PTK7: variants seen among roughly 807,000 people sequenced by gnomAD.
The protein encoded by PTK7 is inactive tyrosine-protein kinase 7.
PTK7 carries 39 observed loss-of-function variants against 116.6 expected under a neutral mutation model. That is an observed-to-expected ratio of 0.33 (90% CI 0.26 to 0.44). The LOEUF (loss-of-function observed/expected upper bound fraction) is 0.44. Ranked by LOEUF, PTK7 falls within the 20% of genes least tolerant of loss-of-function variation. The probability of loss-of-function intolerance (pLI) is 1.00; values close to 1 mark genes in which losing one functional copy is unlikely to be tolerated. For missense variants in PTK7, 1,169 were observed against 1,425.6 expected, an observed-to-expected ratio of 0.82 and a Z score of 2.90; for synonymous variants, 546 against 563.6, an observed-to-expected ratio of 0.97 and a Z score of 0.44.
At position 43,139,988 on chromosome 6, in the gene PTK7, C is replaced by T. The variant is rs1642343366; in HGVS notation, c.1618+463C>T. ...AGTTAGCCAGGCGTGGTGGCACATGCTTGCAATCCCAGCTGCTTAGGAGGC... is the reference window on the plus strand; with the variant it reads ...AGTTAGCCAGGCGTGGTGGCACATGTTTGCAATCCCAGCTGCTTAGGAGGC... On this transcript the variant is annotated intron_variant, in intron 10 of 19. Transcript: ENST00000230419. This position sits in a 1 kb window ranked among gnomAD's most constrained non-coding sequence, Gnocchi z 4.6. 6.6e-6 allele frequency among the ~76,000 whole-genome samples: 1 copy of T among 152,156 alleles called. No individual in the cohort carries two copies. Among genetic ancestry groups the T allele is most frequent in the Non-Finnish European group, 1.5e-5 (1 of 68,030 alleles).
chr6:43,136,627 G>T, intron 7 of PTK7, among the ~76,000 whole-genome samples: 1 of 152,238 alleles, frequency 6.6e-6, no homozygotes, highest in East Asian at 1.9e-4. Context: ...TTCCGAGAGG[G>T]CAAAAGTGGA....
At position 43,141,993 on chromosome 6, in the gene PTK7, C is replaced by T. The variant is rs1265663615; in HGVS notation, c.1831C>T (p.Leu611=). The T allele has an allele frequency of 6.2e-7, 1 of 1,613,906 alleles. No homozygotes were observed. The highest frequency in any genetic ancestry group is 1.1e-5 in the South Asian group (1 of 91,078). The change falls in exon 12 of 20, where the codon CTG becomes TTG. Residue 611 remains leucine, a synonymous_variant. Coordinates refer to ENST00000230419, the MANE Select transcript of PTK7 (RefSeq NM_002821.5). This position sits in a 1 kb window ranked among gnomAD's most constrained non-coding sequence, Gnocchi z 4.9. ...TGTGTACCAGGGCCACACAGCCCTA[C>T]TGCAGTGCGAGGCCCAGGGGGACCC... The part of the protein sequence containing the change: ...TTVYQGHTAL[L]QCEAQGDPKP...
intron 1 of PTK7, among the ~76,000 whole-genome samples, chr6:43,078,849 C>T (rs1419998231): frequency 1.3e-5 from 2 of 152,216 alleles, no homozygotes; most frequent in Non-Finnish European, 2.9e-5. Flanking sequence ...ATCCCCCTCC[C>T]TGGTTTCTTT....
chr6:43,160,311 G>A (rs1012814022), intron 19 of PTK7, among the ~76,000 whole-genome samples: 7 of 152,076 alleles, frequency 4.6e-5, no homozygotes, highest in African/African-American at 1.2e-4. Flanking sequence ...GAGATGGGGG[G>A]GCTTCACCAT....
intron 6 of PTK7, 106 bp downstream of exon 6, chr6:43,132,270 A>T: frequency 2.7e-6 from 4 of 1,507,950 alleles, no homozygotes; most frequent in Non-Finnish European, 3.6e-6. Flanking sequence ...AGGGCAGGGG[A>T]AGAAAAGGAT....
At chr6:43,131,784 C>T in intron 5 of PTK7, 1 of 584,574 alleles carries the variant, frequency 1.7e-6, no homozygotes, top group East Asian at 3.0e-5. Flanking sequence ...CCATTTGCCT[C>T]ATTGCTTCCC....
At chr6:43,101,731 G>T (rs1767595083) in intron 1 of PTK7, among the ~76,000 whole-genome samples, 1 of 152,162 alleles carries the variant, frequency 6.6e-6, no homozygotes, top group Admixed American at 6.6e-5. Context: ...GTTCTCAAAT[G>T]CTGACAGTGC....
Position 43,139,614 on chromosome 6 carries a change from G to A in PTK7, c.1618+89G>A. 1 of 1,556,762 alleles carries A rather than the reference G, an allele frequency of 6.4e-7. No homozygotes were observed. On this transcript the variant is annotated intron_variant, in intron 10 of 19. Transcript: ENST00000230419. This position sits in a 1 kb window ranked among gnomAD's most constrained non-coding sequence, Gnocchi z 4.6. Reference sequence around the variant, plus strand: ...AGGGCTGCTGGGTGCCCCGCACTGTGCCAGGAAATGTGGAGATTAGACAAG... The same window carrying A: ...AGGGCTGCTGGGTGCCCCGCACTGTACCAGGAAATGTGGAGATTAGACAAG...
chr6:43,079,865 C>T (rs1766270788), intron 1 of PTK7, among the ~76,000 whole-genome samples: 1 of 149,246 alleles, frequency 6.7e-6, no homozygotes, highest in Admixed American at 6.7e-5. Context: ...TCAAGACCAG[C>T]CTTGGCAACA....
intron 1 of PTK7, among the ~76,000 whole-genome samples, chr6:43,099,337 A>G (rs982128706): frequency 2.6e-5 from 4 of 151,874 alleles, no homozygotes; most frequent in African/African-American, 9.7e-5. Flanking sequence ...GACTCAAGCA[A>G]TCCTCCCACC....
Position 43,150,925 on chromosome 6 carries a change from C to A in PTK7, c.2721+4227C>A, listed in dbSNP as rs113915560. 2.0e-5 allele frequency among the ~76,000 whole-genome samples: 3 copies of A among 149,064 alleles called. No individual in the cohort carries two copies. In the South Asian group the frequency reaches 6.4e-4, roughly 32 times the overall value. The stretch of plus-strand genomic sequence containing the variant: ...CAAGTAGCTGGGATCGCTCTTCAAG[C>A]GATTCTCCTGCCTTAGCCTCCCGAG... On this transcript the variant is annotated intron_variant, in intron 17 of 19. Coordinates refer to ENST00000230419, the MANE Select transcript of PTK7 (RefSeq NM_002821.5).
intron 17 of PTK7, among the ~76,000 whole-genome samples, chr6:43,157,825 C>G (rs1319790474): frequency 5.3e-5 from 8 of 151,566 alleles, no homozygotes; most frequent in Non-Finnish European, 1.2e-4. Context: ...CTGCTGGGTT[C>G]AAGCGATTCT....
intron 1 of PTK7, among the ~76,000 whole-genome samples, chr6:43,102,093 C>T (rs1278569241): frequency 1.3e-5 from 2 of 151,658 alleles, no homozygotes; most frequent in African/African-American, 4.8e-5. Flanking sequence ...GTGTGCTTGC[C>T]TCCAACTCTG....
At position 43,086,283 on chromosome 6, in the gene PTK7, G is replaced by A. The variant is rs142137983; in HGVS notation, c.79+9716G>A. ...AGTCAGCGACTCTGTTAATTTGTGG[G>A]AACTTCTGTCTGTGCTGTGGGGAGG... On this transcript the variant is annotated intron_variant, in intron 1 of 19. Coordinates refer to ENST00000230419, the MANE Select transcript of PTK7 (RefSeq NM_002821.5). Among the ~76,000 whole-genome samples, 1,177 of 152,318 alleles carry A rather than the reference G, an allele frequency of 7.7e-3. 5 individuals are homozygous for A. Among genetic ancestry groups the A allele is most frequent in the Middle Eastern group, 0.017 (5 of 294 alleles).
chr6:43,132,804 G>A, intron 7 of PTK7, 117 bp downstream of exon 7: 1 of 1,420,686 alleles, frequency 7.0e-7, no homozygotes, highest in East Asian at 2.5e-5. Flanking sequence ...GGCCCTGCAG[G>A]CTTGGGAATC....
At position 43,086,709 on chromosome 6, in the gene PTK7, C is replaced by T. The variant is rs532755592; in HGVS notation, c.79+10142C>T. ...AAAACTAGCTGGGTGTGGTGGTGCA[C>T]GCCTGTAGTCTCAGCTACTCAAAGG... is the stretch of plus-strand genomic sequence containing the variant. On this transcript the variant is annotated intron_variant, in intron 1 of 19. Coordinates refer to ENST00000230419, the MANE Select transcript of PTK7 (RefSeq NM_002821.5). 1.1e-4 allele frequency among the ~76,000 whole-genome samples: 16 copies of T among 152,130 alleles called. No homozygotes were observed. In the East Asian group the frequency reaches 2.9e-3, roughly 28 times the overall value.
Position 43,129,763 on chromosome 6 carries a change from C to T in PTK7, c.404C>T (p.Ala135Val). The T allele has an allele frequency of 6.2e-7, 1 of 1,614,200 alleles. No individual in the cohort carries two copies. The highest frequency in any genetic ancestry group is 2.2e-5 in the East Asian group (1 of 44,884). Residue 135 changes from alanine (A) to valine (V), a missense_variant, in exon 3 of 20, where the codon GCC becomes GTC. Around this residue, in one of 3 missense-constraint regions of PTK7, gnomAD observed 487 missense variants for 549.8 expected, o/e 0.89. Coordinates refer to ENST00000230419, the MANE Select transcript of PTK7 (RefSeq NM_002821.5). The surrounding 1 kb of genome is among the most constrained non-coding windows in gnomAD (Gnocchi z 4.5). ...GGTCCTGTGGTCCTGAAGCATCCAG[C>T]CTCGGAAGCTGAGATCCAGCCACAG... ...EAGPVVLKHP[A>V]SEAEIQPQTQ...
intron 1 of PTK7, among the ~76,000 whole-genome samples, chr6:43,090,365 A>G (rs1766879741): frequency 1.3e-5 from 2 of 152,120 alleles, no homozygotes; most frequent in Non-Finnish European, 2.9e-5. Flanking sequence ...AGAACATTTC[A>G]TTTTAGGGGT....
intron 1 of PTK7, among the ~76,000 whole-genome samples, chr6:43,094,084 C>G (rs565435850): frequency 5.3e-4 from 81 of 152,222 alleles, no homozygotes; most frequent in Non-Finnish European, 1.1e-3. Flanking sequence ...AGTAAAGTTA[C>G]AAAGTTGCAA....
Sources: gnomAD v4.1 joint callset for allele counts (sites outside exome capture counted in the v4.1 genomes callset) on GRCh38, gnomAD v4.1.1 for gene constraint, gnomAD v4.1.1 regional missense constraint, Gnocchi (gnomAD v3.1) non-coding constraint, MANE v1.5 for transcripts, NCBI Gene and HGNC (gene_info 2026-07-23, HGNC 2026-07-21) for gene names.